Variants in TANGO6 observed in about 807,000 individuals in gnomAD.
TANGO6 encodes transport and Golgi organization protein 6 homolog.
Under a neutral mutation model 114.2 loss-of-function variants are expected in TANGO6, and 90 were observed. The ratio of observed to expected loss-of-function variants is 0.79; its 90% CI spans 0.66 to 0.94. TANGO6 has a LOEUF of 0.94. Among genes scored for constraint, TANGO6 ranks in the 40% least tolerant of loss-of-function variants. The pLI is 0.00. For synonymous variants in TANGO6, 477 were observed against 509.8 expected, an observed-to-expected ratio of 0.94 and a Z score of 0.87; for missense variants, 1,274 against 1,315.3, an observed-to-expected ratio of 0.97 and a Z score of 0.49.
At chr16:69,056,540 A>T (rs937404743) in intron 17 of TANGO6, among the ~76,000 whole-genome samples, 2 of 151,886 alleles carry the variant, frequency 1.3e-5, no homozygotes, top group African/African-American at 4.8e-5. Flanking sequence ...GACTCAGTAC[A>T]TGTTAGCCTA....
At chr16:68,896,577 G>T (rs142065773) in intron 7 of TANGO6, among the ~76,000 whole-genome samples, 2,404 of 152,146 alleles carry the variant, frequency 0.016, 63 homozygotes, top group African/African-American at 0.055. Flanking sequence ...TCAAAGTGCT[G>T]GGATTATAGG....
At position 68,860,191 on chromosome 16, in the gene TANGO6, C is replaced by T. The variant is rs759386498; in HGVS notation, c.402C>T (p.Pro134=). 2.0e-5 allele frequency: 32 copies of T among 1,613,842 alleles called. No individual in the cohort carries two copies. The highest frequency in any genetic ancestry group is 6.7e-5 in the Admixed American group (4 of 59,986). The stretch of plus-strand genomic sequence containing the variant: ...CGGAAGTTGCTCCTGCCCTGAGCCC[C>T]GATGCACTTAGTATCTCACAACAGA... The part of the protein sequence containing the change: ...RTPEVAPALS[P]DALSISQQKT... The change falls in exon 2 of 18, where the codon CCC becomes CCT. Residue 134 remains proline, a synonymous_variant. Coordinates refer to ENST00000261778, the MANE Select transcript of TANGO6 (RefSeq NM_024562.2).
At chr16:68,905,144 T>C (rs113537654) in intron 9 of TANGO6, among the ~76,000 whole-genome samples, 36,155 of 150,606 alleles carry the variant, frequency 0.24, 4,869 homozygotes, top group African/African-American at 0.38. Context: ...GCAGGAGAAT[T>C]GCTTGAACCT....
chr16:68,987,438 G>A (rs1963906552), intron 15 of TANGO6, among the ~76,000 whole-genome samples: 2 of 152,028 alleles, frequency 1.3e-5, no homozygotes, highest in South Asian at 4.1e-4. Flanking sequence ...GCATGATCTC[G>A]GCTCACTGCA....
intron 15 of TANGO6, among the ~76,000 whole-genome samples, chr16:69,008,481 A>G (rs1467756063): frequency 6.6e-6 from 1 of 152,132 alleles, no homozygotes; most frequent in Non-Finnish European, 1.5e-5. Context: ...TCTGGGCCTC[A>G]AGCAATCCTC....
chr16:69,061,107 T>G (rs1293832277), intron 17 of TANGO6, among the ~76,000 whole-genome samples: 2 of 152,148 alleles, frequency 1.3e-5, no homozygotes, highest in African/African-American at 4.8e-5. Flanking sequence ...TAAGATCTCT[T>G]AAGGAGGGAA....
At chr16:68,976,453 A>G (rs1387589093) in intron 15 of TANGO6, among the ~76,000 whole-genome samples, 1 of 152,236 alleles carries the variant, frequency 6.6e-6, no homozygotes, top group Admixed American at 6.5e-5. Flanking sequence ...GTGGGACCCT[A>G]GGGAACAAGG....
chr16:68,877,913 AT>A (rs1321348629), intron 5 of TANGO6, among the ~76,000 whole-genome samples: 2 of 152,194 alleles, frequency 1.3e-5, no homozygotes, highest in Non-Finnish European at 2.9e-5. Context: ...CGGCCAAAAA[AT>A]TTTTTTAATT....
Position 68,860,388 on chromosome 16 carries a change from A to G in TANGO6, c.599A>G (p.Lys200Arg), listed in dbSNP as rs1567525575. 1 of 1,613,986 alleles carries G rather than the reference A, an allele frequency of 6.2e-7. No individual in the cohort carries two copies. Among genetic ancestry groups the G allele is most frequent in the Non-Finnish European group, 8.5e-7 (1 of 1,179,896 alleles). Reference sequence around the variant, plus strand: ...ACTCGAAGACTGTACACCAGCTGCAAGGCCCTTCTGAATGTTGCTCAGCAC... The same window carrying G: ...ACTCGAAGACTGTACACCAGCTGCAGGGCCCTTCTGAATGTTGCTCAGCAC... ...DATRRLYTSC[K>R]ALLNVAQHTS... The change falls in exon 2 of 18, where the codon AAG becomes AGG. Residue 200 changes from lysine to arginine, a missense_variant. This residue lies in a region of TANGO6 where 908 missense variants were observed against 910.2 expected (regional missense o/e 1.00). Coordinates refer to ENST00000261778, the MANE Select transcript of TANGO6 (RefSeq NM_024562.2).
chr16:69,050,080 C>G lies in TANGO6; in HGVS notation c.3108+9659C>G, dbSNP rs116635466. Among the ~76,000 whole-genome samples, 879 of 152,196 alleles carry G rather than the reference C, an allele frequency of 5.8e-3. 10 individuals are homozygous for G. Among genetic ancestry groups the G allele is most frequent in the African/African-American group, 0.02 (826 of 41,540 alleles). ...TGTGTAAATATATGTTTTCATTTCT[C>G]TTGGGTATATACCTAGAAGTGGAAT... On this transcript the variant is annotated intron_variant, in intron 17 of 17. Coordinates refer to ENST00000261778, the MANE Select transcript of TANGO6 (RefSeq NM_024562.2).
chr16:69,017,558 A>C (rs1457122354), intron 15 of TANGO6, among the ~76,000 whole-genome samples: 2 of 151,262 alleles, frequency 1.3e-5, no homozygotes, highest in African/African-American at 2.4e-5. Context: ...ACAGCCTCCC[A>C]CTCCAGGGCT....
intron 7 of TANGO6, among the ~76,000 whole-genome samples, chr16:68,882,910 C>T (rs1281227961): frequency 6.6e-6 from 1 of 152,028 alleles, no homozygotes; most frequent in East Asian, 1.9e-4. Context: ...CCGAGCTACT[C>T]AGGAGGCTGA....
At chr16:68,924,161 CAGTTAACT>C (rs1375135572) in intron 12 of TANGO6, among the ~76,000 whole-genome samples, 4 of 151,892 alleles carry the variant, frequency 2.6e-5, no homozygotes, top group African/African-American at 9.7e-5. Flanking sequence ...AATGACTTTC[CAGTTAACT>C]AAGCTGACTA....
At chr16:69,006,822 G>C (rs1190729955) in intron 15 of TANGO6, among the ~76,000 whole-genome samples, 4 of 152,140 alleles carry the variant, frequency 2.6e-5, no homozygotes, top group African/African-American at 9.7e-5. Context: ...ACCATTTACA[G>C]TGTACACCTC....
intron 1 of TANGO6, among the ~76,000 whole-genome samples, chr16:68,858,276 C>T (rs931241537): frequency 2.6e-5 from 4 of 152,170 alleles, no homozygotes; most frequent in Non-Finnish European, 5.9e-5. Flanking sequence ...GTTGGCCAGG[C>T]TGGTCTCCAA....
At chr16:69,077,887 T>C (rs1960404427) in intron 17 of TANGO6, among the ~76,000 whole-genome samples, 2 of 152,112 alleles carry the variant, frequency 1.3e-5, no homozygotes, top group South Asian at 4.1e-4. Flanking sequence ...GTACTTACCA[T>C]CTAGAGAGGA....
At chr16:68,948,455 C>A (rs1963438611) in intron 14 of TANGO6, among the ~76,000 whole-genome samples, 1 of 152,188 alleles carries the variant, frequency 6.6e-6, no homozygotes, top group African/African-American at 2.4e-5. Flanking sequence ...TCAGATACCT[C>A]ATGACAACAT....
intron 15 of TANGO6, among the ~76,000 whole-genome samples, chr16:68,980,067 C>T (rs536395406): frequency 4.6e-5 from 7 of 151,696 alleles, no homozygotes; most frequent in Admixed American, 2.0e-4. Context: ...AGGCTGGTCT[C>T]GAACTCCTGA....
intron 17 of TANGO6, among the ~76,000 whole-genome samples, chr16:69,042,969 A>T (rs1959796177): frequency 6.6e-6 from 1 of 152,312 alleles, no homozygotes; most frequent in African/African-American, 2.4e-5. Flanking sequence ...CACCGCCTGT[A>T]ATCCCAGCAC....
Sources: allele counts gnomAD v4.1 joint callset (sites outside exome capture counted in the v4.1 genomes callset), GRCh38; gene constraint gnomAD v4.1.1; regional missense constraint gnomAD v4.1.1; transcripts MANE v1.5; gene names NCBI Gene and HGNC (gene_info 2026-07-23, HGNC 2026-07-21).